AFTPH: variants seen among roughly 807,000 people sequenced by gnomAD.
AFTPH encodes the protein aftiphilin protein.
In AFTPH, 7 loss-of-function variants were observed where a neutral mutation model predicts 72.5. The ratio of observed to expected loss-of-function variants is 0.10; its 90% CI spans 0.05 to 0.18. The LOEUF (loss-of-function observed/expected upper bound fraction) is 0.18. AFTPH is among the 10% of genes least tolerant of loss of function. The probability of loss-of-function intolerance (pLI) is 1.00; values close to 1 mark genes in which losing one functional copy is unlikely to be tolerated. For missense variants in AFTPH, 979 were observed against 1,060.5 expected (o/e 0.92, Z 1.07); for synonymous variants, 337 against 370.1 (o/e 0.91, Z 1.03).
chr2:64,536,585 A>G (rs1669902142), intron 1 of AFTPH, among the ~76,000 whole-genome samples: 1 of 150,400 alleles, frequency 6.6e-6, no homozygotes, highest in African/African-American at 2.5e-5. Flanking sequence ...AAAAAAAAAA[A>G]AAAAGAATAT....
intron 1 of AFTPH, among the ~76,000 whole-genome samples, chr2:64,548,114 C>T (rs866377744): frequency 1.4e-5 from 2 of 140,822 alleles, no homozygotes; most frequent in Non-Finnish European, 3.1e-5. Context: ...AGAAAAAGGG[C>T]CGGGCGCGGT....
intron 7 of AFTPH, among the ~76,000 whole-genome samples, chr2:64,584,798 G>C (rs967591228): frequency 4.0e-5 from 6 of 151,872 alleles, no homozygotes; most frequent in Non-Finnish European, 7.4e-5. Flanking sequence ...GGGTTTCACC[G>C]TTTTAGCCAG....
At chr2:64,570,977 A>G (rs903616607) in intron 5 of AFTPH, among the ~76,000 whole-genome samples, 2 of 117,054 alleles carry the variant, frequency 1.7e-5, no homozygotes, top group Non-Finnish European at 3.2e-5. Context: ...TATGGCTACT[A>G]TTTCTATAAG....
intron 1 of AFTPH, among the ~76,000 whole-genome samples, chr2:64,540,123 C>T (rs965176762): frequency 6.6e-6 from 1 of 152,096 alleles, no homozygotes; most frequent in Non-Finnish European, 1.5e-5. Flanking sequence ...GACATGAAAT[C>T]AAAGCAGTTT....
exon 2 of AFTPH, chr2:64,552,956 A>G: frequency 6.2e-7 from 1 of 1,614,210 alleles, no homozygotes; most frequent in Non-Finnish European, 8.5e-7. Flanking sequence ...AGGAGACAAT[A>G]TTAACAAAGT....
intron 2 of AFTPH, among the ~76,000 whole-genome samples, chr2:64,562,395 G>C (rs1437179134): frequency 6.6e-6 from 1 of 151,162 alleles, no homozygotes; most frequent in African/African-American, 2.4e-5. Context: ...CAGGAACCCA[G>C]GTACTGGAAA....
At chr2:64,545,877 T>G (rs1670582068) in intron 1 of AFTPH, among the ~76,000 whole-genome samples, 1 of 151,622 alleles carries the variant, frequency 6.6e-6, no homozygotes, top group Non-Finnish European at 1.5e-5. Flanking sequence ...AAACGCAAGT[T>G]TTTTTTTGTT....
At chr2:64,571,327 G>A (rs1323396018) in intron 5 of AFTPH, among the ~76,000 whole-genome samples, 1 of 151,354 alleles carries the variant, frequency 6.6e-6, no homozygotes, top group Non-Finnish European at 1.5e-5. Context: ...CGTCTGACAA[G>A]TTCCAAGGTG....
At chr2:64,545,570 TAAAAAAAAAAAAAAAAAAAAAAAAAAAA>T (rs58124855) in intron 1 of AFTPH, among the ~76,000 whole-genome samples, 7 of 24,198 alleles carry the variant, frequency 2.9e-4, no homozygotes, top group Admixed American at 7.2e-4. Flanking sequence ...CCACCAGCAG[TAAAAAAAAAAAAAAAAAAAAAAAAAAAA>T]AAAAAAAAAA....
chr2:64,591,485 C>G (rs3821138), intron 8 of AFTPH, among the ~76,000 whole-genome samples: 27,178 of 152,086 alleles, frequency 0.18, 3,118 homozygotes, highest in African/African-American at 0.33. Flanking sequence ...GTAGTTTTAG[C>G]GGGTGGAGGG....
intron 7 of AFTPH, among the ~76,000 whole-genome samples, chr2:64,581,912 A>G (rs1057336912): frequency 5.9e-5 from 9 of 152,242 alleles, no homozygotes; most frequent in African/African-American, 2.2e-4. Context: ...TTGCTATGAG[A>G]TACTAAAAGC....
intron 1 of AFTPH, among the ~76,000 whole-genome samples, chr2:64,549,240 G>A (rs138266913): frequency 3.0e-4 from 45 of 148,268 alleles, no homozygotes; most frequent in African/African-American, 1.1e-3. Context: ...GCAGCTGTGA[G>A]TTGTAAGAAG....
chr2:64,573,363 C>T (rs890822871), intron 6 of AFTPH, among the ~76,000 whole-genome samples: 1 of 150,768 alleles, frequency 6.6e-6, no homozygotes, highest in East Asian at 1.9e-4. Flanking sequence ...ACAGGTATCT[C>T]TAAAGTCCCT....
chr2:64,549,521 G>A (rs1295142656), intron 1 of AFTPH, among the ~76,000 whole-genome samples: 17 of 150,650 alleles, frequency 1.1e-4, no homozygotes, highest in South Asian at 6.3e-4. Context: ...GGGTTTCACC[G>A]TGTTGGCCAG....
chr2:64,572,893 G>T, intron 5 of AFTPH, 53 bp from the exon 6 acceptor site: 2 of 1,594,824 alleles, frequency 1.3e-6, no homozygotes, highest in Non-Finnish European at 1.7e-6. Context: ...ATTAACTTAA[G>T]TTTATGGGCT....
intron 7 of AFTPH, among the ~76,000 whole-genome samples, chr2:64,581,863 G>GGGAAAA (rs986094068): frequency 4.6e-5 from 7 of 151,858 alleles, no homozygotes; most frequent in African/African-American, 1.7e-4. Flanking sequence ...AGTTTTCCAT[G>GGGAAAA]GGAAAAAAAA....
intron 1 of AFTPH, among the ~76,000 whole-genome samples, chr2:64,536,020 G>A (rs752766190): frequency 1.3e-4 from 20 of 152,170 alleles, no homozygotes; most frequent in Admixed American, 6.5e-5. Context: ...GGGAGCGGTT[G>A]GGGTAACACT....
chr2:64,558,825 A>G (rs1460444561), intron 2 of AFTPH, among the ~76,000 whole-genome samples: 1 of 152,210 alleles, frequency 6.6e-6, no homozygotes, highest in Non-Finnish European at 1.5e-5. Context: ...CTCAGGGTAC[A>G]AGGCTGAAAC....
intron 7 of AFTPH, chr2:64,580,008 A>G (rs1460148444): frequency 6.5e-6 from 1 of 153,218 alleles, no homozygotes; most frequent in African/African-American, 2.4e-5. Context: ...TTTAGATTTA[A>G]TATTTTATAG....
Sources: gnomAD v4.1 joint callset for allele counts (sites outside exome capture counted in the v4.1 genomes callset) on GRCh38, gnomAD v4.1.1 for gene constraint, MANE v1.5 for transcripts, NCBI Gene and HGNC (gene_info 2026-07-23, HGNC 2026-07-21) for gene names.